Variants in PPID observed in about 807,000 individuals in gnomAD.
The protein encoded by PPID is peptidylprolyl isomerase D, also known as peptidyl-prolyl cis-trans isomerase D.
A neutral mutation model predicts 48.1 loss-of-function variants in PPID; 47 were observed. The ratio of observed to expected loss-of-function variants is 0.98; its 90% CI spans 0.77 to 1.25. The LOEUF (loss-of-function observed/expected upper bound fraction) is 1.25, where lower values mean the gene tolerates loss of function less well. Ranked by LOEUF, PPID falls within the 50% of genes most tolerant of loss-of-function variation. The pLI, the probability that PPID is intolerant of heterozygous loss-of-function variation, is 0.00. For missense variants in PPID, 429 were observed against 443.5 expected, an observed-to-expected ratio of 0.97 and a Z score of 0.29; for synonymous variants, 163 against 148.8, an observed-to-expected ratio of 1.10 and a Z score of -0.69.
chr4:158,720,100 G>A (rs1420457246), intron 2 of PPID, among the ~76,000 whole-genome samples: 2 of 152,164 alleles, frequency 1.3e-5, no homozygotes, highest in African/African-American at 4.8e-5. Flanking sequence ...ACTCTACCTA[G>A]CATGTACCAA....
chr4:158,717,266 C>G, intron 3 of PPID, 66 bp from the exon 4 acceptor site: 1 of 1,420,642 alleles, frequency 7.0e-7, no homozygotes, highest in Non-Finnish European at 9.5e-7. Flanking sequence ...GTGTGTTAGT[C>G]TGAACTGTTC....
chr4:158,716,981 T>C lies in PPID; in HGVS notation c.522+31A>G, dbSNP rs752005787. Reference sequence around the variant, plus strand: ...CTCAAAAAGATAGCAACTAAGATAATAAGTGTATTTCACTGTAACTTTTTA... The same window carrying C: ...CTCAAAAAGATAGCAACTAAGATAACAAGTGTATTTCACTGTAACTTTTTA... On this transcript the variant is annotated intron_variant, in intron 4 of 9. Coordinates refer to ENST00000307720, the MANE Select transcript of PPID (RefSeq NM_005038.3). The C allele has an allele frequency of 1.1e-5, 18 of 1,576,614 alleles. No homozygotes were observed. In the African/African-American group the frequency reaches 2.3e-4, roughly 20 times the overall value.
chr4:158,718,395 G>C (rs1774904660), intron 3 of PPID, among the ~76,000 whole-genome samples: 1 of 152,146 alleles, frequency 6.6e-6, no homozygotes, highest in Non-Finnish European at 1.5e-5. Context: ...TATATAGACA[G>C]TATTAGCAAT....
chr4:158,719,501 T>C (rs1774922556), intron 2 of PPID, among the ~76,000 whole-genome samples: 1 of 152,188 alleles, frequency 6.6e-6, no homozygotes, highest in Admixed American at 6.5e-5. Context: ...CCTGCTAACA[T>C]TCAGAAAATC....
chr4:158,714,289 T>C (rs1272307170), intron 6 of PPID, among the ~76,000 whole-genome samples: 4 of 152,206 alleles, frequency 2.6e-5, no homozygotes, highest in Non-Finnish European at 5.9e-5. Flanking sequence ...ACCATGTGTG[T>C]GAACTCAAAC....
At chr4:158,721,273 C>A in intron 2 of PPID, 70 bp downstream of exon 2, 1 of 1,542,958 alleles carries the variant, frequency 6.5e-7, no homozygotes, top group Admixed American at 1.8e-5. Context: ...TTAGTGTTTT[C>A]TTCCCCAAAT....
At chr4:158,717,315 T>G in intron 3 of PPID, 115 bp from the exon 4 acceptor site, 1 of 819,430 alleles carries the variant, frequency 1.2e-6, no homozygotes, top group Non-Finnish European at 1.7e-6. Flanking sequence ...TATACTACCA[T>G]TTAGATCAAA....
chr4:158,722,448 T>A (rs1166633570), intron 1 of PPID, among the ~76,000 whole-genome samples: 1 of 152,244 alleles, frequency 6.6e-6, no homozygotes, highest in Non-Finnish European at 1.5e-5. Context: ...CAGGTGAGAT[T>A]AAACCTAGCC....
At chr4:158,711,099 G>C (rs1303579638) in intron 7 of PPID, among the ~76,000 whole-genome samples, 1 of 151,970 alleles carries the variant, frequency 6.6e-6, no homozygotes, top group Non-Finnish European at 1.5e-5. Flanking sequence ...CTCCCGAATG[G>C]GCCTGAACTA....
chr4:158,714,012 G>A (rs1288983655), intron 6 of PPID, among the ~76,000 whole-genome samples: 1 of 151,812 alleles, frequency 6.6e-6, no homozygotes, highest in Admixed American at 6.6e-5. Flanking sequence ...AGGAGGCCTT[G>A]TTTCTATAAA....
intron 6 of PPID, 43 bp from the exon 7 acceptor site, chr4:158,713,303 A>G: frequency 6.6e-7 from 1 of 1,514,018 alleles, no homozygotes; most frequent in Non-Finnish European, 8.9e-7. Flanking sequence ...GACCACATAA[A>G]CAGGAATTAC....
chr4:158,714,252 C>G (rs1433748334), intron 6 of PPID, among the ~76,000 whole-genome samples: 1 of 152,194 alleles, frequency 6.6e-6, no homozygotes, highest in East Asian at 1.9e-4. Flanking sequence ...CTCAGACTAA[C>G]AAATGCTTGT....
chr4:158,720,734 A>T (rs890569578), intron 2 of PPID, among the ~76,000 whole-genome samples: 30 of 151,616 alleles, frequency 2.0e-4, no homozygotes, highest in African/African-American at 6.3e-4. Flanking sequence ...TGTTTGTTTG[A>T]GGCAGAGTCT....
intron 4 of PPID, among the ~76,000 whole-genome samples, chr4:158,716,458 G>C (rs1774873186): frequency 6.6e-6 from 1 of 151,306 alleles, no homozygotes; most frequent in South Asian, 2.1e-4. Flanking sequence ...TGCAGGTATA[G>C]GAAGACTTAA....
intron 7 of PPID, 86 bp from the exon 8 acceptor site, chr4:158,710,934 C>A (rs969917400): frequency 1.7e-6 from 2 of 1,161,236 alleles, no homozygotes; most frequent in Non-Finnish European, 2.5e-6. Context: ...AACTCCAAAC[C>A]CATCCTTCAC....
rs368138824 is a variant in PPID, at chr4:158,721,167, A to G, written c.226+176T>C. On this transcript the variant is annotated intron_variant, in intron 2 of 9. Transcript: ENST00000307720. ...TTCTCTATAGATAAACCTTAGTACC[A>G]TAAGTAATTCCACCTCGCACAGCCT... Among the ~76,000 whole-genome samples the G allele has an allele frequency of 2.1e-4, 32 of 152,334 alleles. No homozygotes were observed. In the East Asian group the frequency reaches 3.1e-3, roughly 15 times the overall value.
rs946619811 is a variant in PPID at position 158,721,212 on chromosome 4, T to C, written c.226+131A>G. On this transcript the variant is annotated intron_variant, in intron 2 of 9. Coordinates refer to ENST00000307720, the MANE Select transcript of PPID (RefSeq NM_005038.3). The stretch of plus-strand genomic sequence containing the variant: ...CAGCCTAACCTTTACGAAACTGCGT[T>C]ACTGCCTCAGACATGGACGCTAATA... 23 of 1,081,816 alleles carry C rather than the reference T, an allele frequency of 2.1e-5. No individual in the cohort carries two copies. In the African/African-American group the frequency reaches 3.2e-4, roughly 15 times the overall value. 67.0% of individuals were successfully genotyped at this position (1,081,816 alleles called of 1,614,324 possible).
chr4:158,711,373 T>A (rs1774788291), intron 7 of PPID, among the ~76,000 whole-genome samples: 1 of 151,308 alleles, frequency 6.6e-6, no homozygotes. Flanking sequence ...TACAGGTATG[T>A]GCCACCACAC....
At chr4:158,712,752 G>A (rs555682742) in intron 7 of PPID, among the ~76,000 whole-genome samples, 5 of 151,404 alleles carry the variant, frequency 3.3e-5, no homozygotes, top group South Asian at 4.2e-4. Flanking sequence ...GTAAGACTCC[G>A]TCTCAAAAAA....
Sources: allele counts gnomAD v4.1 joint callset (sites outside exome capture counted in the v4.1 genomes callset), GRCh38; gene constraint gnomAD v4.1.1; transcripts MANE v1.5; gene names NCBI Gene and HGNC (gene_info 2026-07-23, HGNC 2026-07-21).